The following ING3 variants were observed in gnomAD, a reference collection of about 807,000 sequenced individuals.
ING3 encodes the protein inhibitor of growth protein 3.
Under a neutral mutation model 64.8 loss-of-function variants are expected in ING3, and 6 were observed. That is an observed-to-expected ratio of 0.09 (90% CI 0.05 to 0.18). The LOEUF (loss-of-function observed/expected upper bound fraction) is 0.18. Ranked by LOEUF, ING3 falls within the 10% of genes least tolerant of loss-of-function variation. The probability of loss-of-function intolerance (pLI) is 1.00; values close to 1 mark genes in which losing one functional copy is unlikely to be tolerated. For missense variants in ING3, 310 were observed against 489.7 expected (o/e 0.63, Z 3.46); for synonymous variants, 170 against 173.7 (o/e 0.98, Z 0.17).
chr7:120,967,490 T>G (rs939695835), intron 6 of ING3, 39 bp from the exon 7 acceptor site: 4 of 1,434,060 alleles, frequency 2.8e-6, no homozygotes, highest in Non-Finnish European at 3.8e-6. Flanking sequence ...CATAGTTCTC[T>G]AAAGTTTAAA....
intron 4 of ING3, among the ~76,000 whole-genome samples, chr7:120,963,698 C>G (rs1795962962): frequency 6.6e-6 from 1 of 152,140 alleles, no homozygotes; most frequent in South Asian, 2.1e-4. Flanking sequence ...AGCACATTAC[C>G]TCCTCTTCAT....
intron 8 of ING3, among the ~76,000 whole-genome samples, chr7:120,968,699 T>C (rs1239683543): frequency 6.6e-6 from 1 of 151,652 alleles, no homozygotes; most frequent in Non-Finnish European, 1.5e-5. Context: ...ACAAAAAAAT[T>C]AGCTGGGTGC....
intron 9 of ING3, 131 bp from the exon 10 acceptor site, chr7:120,970,557 A>C: frequency 8.2e-6 from 7 of 853,752 alleles, no homozygotes; most frequent in East Asian, 2.7e-5. Context: ...GTCATTGGTA[A>C]ATCCGGATTA....
chr7:120,969,444 ACTT>A (rs557398817), intron 9 of ING3, among the ~76,000 whole-genome samples: 153 of 152,222 alleles, frequency 1.0e-3, no homozygotes, highest in African/African-American at 3.5e-3. Flanking sequence ...TTAATACATG[ACTT>A]CTTTTTATCT....
intron 4 of ING3, among the ~76,000 whole-genome samples, chr7:120,957,579 T>C (rs1347064936): frequency 6.6e-6 from 1 of 151,936 alleles, no homozygotes; most frequent in Non-Finnish European, 1.5e-5. Context: ...TCTTAGAGGG[T>C]ATAGGAAGAG....
At chr7:120,968,117 A>G in intron 8 of ING3, 26 bp downstream of exon 8, 2 of 1,596,142 alleles carry the variant, frequency 1.3e-6, no homozygotes, top group Non-Finnish European at 1.7e-6. Flanking sequence ...TTTAGAGACA[A>G]AATGTTACAT....
intron 4 of ING3, chr7:120,956,865 G>A (rs1795856171): frequency 1.1e-6 from 1 of 903,028 alleles, no homozygotes; most frequent in Non-Finnish European, 1.3e-6. Context: ...ATAGCTCTTT[G>A]GTTCTATTCT....
intron 4 of ING3, 117 bp from the exon 5 acceptor site, chr7:120,964,625 G>C: frequency 1.4e-6 from 1 of 699,610 alleles, no homozygotes; most frequent in Non-Finnish European, 2.5e-6. Context: ...TAATTGACTT[G>C]CTCAAGGATA....
intron 7 of ING3, 137 bp from the exon 8 acceptor site, chr7:120,967,797 T>G: frequency 1.6e-6 from 2 of 1,234,218 alleles, no homozygotes; most frequent in Non-Finnish European, 2.3e-6. Flanking sequence ...ACCAAATACA[T>G]TATTCAGTTG....
At chr7:120,965,400 C>G (rs1215168619) in intron 5 of ING3, among the ~76,000 whole-genome samples, 1 of 152,174 alleles carries the variant, frequency 6.6e-6, no homozygotes, top group Non-Finnish European at 1.5e-5. Flanking sequence ...ACCCCTGTCA[C>G]TTCTTTGGTG....
chr7:120,972,410 A>G (rs1296593758), intron 10 of ING3, among the ~76,000 whole-genome samples: 1 of 152,174 alleles, frequency 6.6e-6, no homozygotes, highest in Non-Finnish European at 1.5e-5. Flanking sequence ...CACCCGATAA[A>G]CATTTTTCAG....
chr7:120,974,373 T>C (rs955966463), intron 11 of ING3, among the ~76,000 whole-genome samples: 2 of 152,186 alleles, frequency 1.3e-5, no homozygotes, highest in Admixed American at 6.5e-5. Flanking sequence ...TAAGGCTGAC[T>C]ATTAAATAAA....
chr7:120,958,461 C>T (rs191079523), intron 4 of ING3, among the ~76,000 whole-genome samples: 1 of 152,292 alleles, frequency 6.6e-6, no homozygotes, highest in East Asian at 1.9e-4. Context: ...ACTTCTTTGG[C>T]TTTTGTAAAT....
chr7:120,953,264 A>T (rs1191123339), intron 2 of ING3, 40 bp from the exon 3 acceptor site: 1 of 1,192,328 alleles, frequency 8.4e-7, no homozygotes, highest in Non-Finnish European at 1.2e-6. Context: ...TAGTATATGA[A>T]TTTGGTCATT....
intron 4 of ING3, among the ~76,000 whole-genome samples, chr7:120,963,139 C>G (rs1795955053): frequency 6.6e-6 from 1 of 152,048 alleles, no homozygotes. Context: ...AAGAGGTATG[C>G]TCAAATAACA....
At chr7:120,955,509 A>C (rs1167662952) in intron 3 of ING3, 50 bp from the exon 4 acceptor site, 12 of 1,223,610 alleles carry the variant, frequency 9.8e-6, no homozygotes, top group Admixed American at 3.5e-5. Context: ...CTGCATATGA[A>C]TATTTTAAAA....
In ING3 at chr7:120,969,162, C is replaced by G; in HGVS notation, c.866C>G (p.Ala289Gly). 1.2e-6 allele frequency: 2 copies of G among 1,613,620 alleles called. No homozygotes were observed. ...CTTATGACAACATTAACACAGAATG[C>G]CAGTTCATCAGCAGCCGACTCACGG... is the stretch of plus-strand genomic sequence containing the variant. Reference protein sequence around the residue: ...SALMTTLTQNASSSAADSRSG... With the variant: ...SALMTTLTQNGSSSAADSRSG... The change falls in exon 9 of 12, where the codon GCC (alanine) becomes GGC (glycine). Residue 289 changes from alanine to glycine, a missense_variant. Transcript: ENST00000315870.
intron 4 of ING3, chr7:120,956,716 A>G: frequency 8.1e-6 from 8 of 982,780 alleles, no homozygotes; most frequent in African/African-American, 1.7e-5. Context: ...TAATTGTTTC[A>G]GTCTTTAATT....
chr7:120,967,867 T>C, intron 7 of ING3, 67 bp from the exon 8 acceptor site: 1 of 1,493,544 alleles, frequency 6.7e-7, no homozygotes, highest in African/African-American at 1.4e-5. Context: ...TGGGAAATAA[T>C]GTAATTTAGA....
Sources: allele counts gnomAD v4.1 joint callset (sites outside exome capture counted in the v4.1 genomes callset), GRCh38; gene constraint gnomAD v4.1.1; transcripts MANE v1.5; gene names NCBI Gene and HGNC (gene_info 2026-07-23, HGNC 2026-07-21).